The following ZC3H13 variants were observed in gnomAD, a reference collection of about 807,000 sequenced individuals.
The protein encoded by ZC3H13 is zinc finger CCCH domain-containing protein 13.
A neutral mutation model predicts 204.1 loss-of-function variants in ZC3H13; 64 were observed. The observed-to-expected ratio is 0.31, with a 90% CI of 0.26 to 0.39. ZC3H13 has a LOEUF of 0.39. Ranked by LOEUF, ZC3H13 falls within the 10% of genes least tolerant of loss-of-function variation. The probability of loss-of-function intolerance (pLI) is 1.00; values close to 1 mark genes in which losing one functional copy is unlikely to be tolerated. For missense variants in ZC3H13, 1,833 were observed against 2,082.7 expected (o/e 0.88, Z 2.33); for synonymous variants, 667 against 693.7 (o/e 0.96, Z 0.60).
At chr13:45,974,516 G>A (rs748058406) in intron 12 of ZC3H13, among the ~76,000 whole-genome samples, 3 of 152,186 alleles carry the variant, frequency 2.0e-5, no homozygotes, top group East Asian at 1.9e-4. Flanking sequence ...TGGTTAAAAG[G>A]GGGTGAGGTG....
At chr13:46,045,958 TG>T (rs2043923979) in intron 1 of ZC3H13, among the ~76,000 whole-genome samples, 1 of 152,106 alleles carries the variant, frequency 6.6e-6, no homozygotes, top group South Asian at 2.1e-4. Context: ...AAAATAAAAT[TG>T]GGTGAAAATT....
chr13:45,972,907 A>AG (rs895943150), intron 12 of ZC3H13, among the ~76,000 whole-genome samples: 2 of 152,240 alleles, frequency 1.3e-5, no homozygotes, highest in Non-Finnish European at 2.9e-5. Context: ...ACTGAAGGCC[A>AG]GGGGGTCAAG....
chr13:45,990,405 T>C (rs2039886350), intron 8 of ZC3H13, among the ~76,000 whole-genome samples: 1 of 152,128 alleles, frequency 6.6e-6, no homozygotes. Context: ...ATCTAATATA[T>C]TAGAAAGAAT....
intron 6 of ZC3H13, among the ~76,000 whole-genome samples, chr13:46,010,901 T>C (rs1323645946): frequency 6.6e-6 from 1 of 151,874 alleles, no homozygotes; most frequent in Non-Finnish European, 1.5e-5. Context: ...AAGTTTGAAA[T>C]AAAAATAAAA....
intron 7 of ZC3H13, among the ~76,000 whole-genome samples, chr13:46,009,452 G>C (rs190445149): frequency 1.1e-4 from 16 of 152,218 alleles, no homozygotes; most frequent in African/African-American, 3.8e-4. Flanking sequence ...AATATAGTTA[G>C]TGATATAATA....
At position 45,970,451 on chromosome 13, in the gene ZC3H13, T is replaced by C; in HGVS notation, c.2483A>G (p.Asn828Ser). 6.2e-7 allele frequency: 1 copy of C among 1,613,442 alleles called. No homozygotes were observed. Reference sequence around the variant, plus strand: ...CTGTCTAGGGCTGGGACTCCCTTCATTTCTATAGCGCTTCCTAAATTGGAC... The same window carrying C: ...CTGTCTAGGGCTGGGACTCCCTTCACTTCTATAGCGCTTCCTAAATTGGAC... Reference protein sequence around the residue: ...DERKSKKRYRNEGSPSPRQSP... With the variant: ...DERKSKKRYRSEGSPSPRQSP... The change falls in exon 13 of 19, where the codon AAT becomes AGT. Residue 828 changes from asparagine to serine, a missense_variant. Coordinates refer to ENST00000679008, the MANE Select transcript of ZC3H13 (RefSeq NM_001330564.2).
intron 11 of ZC3H13, 92 bp from the exon 12 acceptor site, chr13:45,975,930 G>A: frequency 6.8e-7 from 1 of 1,463,466 alleles, no homozygotes; most frequent in Non-Finnish European, 9.0e-7. Context: ...ATCTGTGATA[G>A]GGTCACACTG....
At chr13:45,965,908 C>T (rs550999034) in intron 15 of ZC3H13, among the ~76,000 whole-genome samples, 1 of 152,224 alleles carries the variant, frequency 6.6e-6, no homozygotes, top group Admixed American at 6.5e-5. Flanking sequence ...TTATTTAGCT[C>T]ATTATATAAA....
At chr13:46,038,823 C>A (rs1175226901) in intron 4 of ZC3H13, among the ~76,000 whole-genome samples, 1 of 152,102 alleles carries the variant, frequency 6.6e-6, no homozygotes, top group African/African-American at 2.4e-5. Context: ...GAGTTCAAGA[C>A]CAGCCTGCCC....
intron 10 of ZC3H13, among the ~76,000 whole-genome samples, chr13:45,985,014 T>G (rs1954049452): frequency 6.6e-6 from 1 of 152,182 alleles, no homozygotes; most frequent in South Asian, 2.1e-4. Flanking sequence ...TCCTCGTGAT[T>G]CTACTTTTTT....
chr13:45,962,378 T>C (rs1951753070), intron 17 of ZC3H13: 18 of 985,370 alleles, frequency 1.8e-5, no homozygotes, highest in Non-Finnish European at 2.2e-5. Context: ...TCAAACCAGA[T>C]TTTAACTTGA....
rs1242048328 is a variant in ZC3H13 at position 45,967,670 on chromosome 13, C to T, written c.4155G>A (p.Glu1385=). 6.2e-7 allele frequency: 1 copy of T among 1,613,934 alleles called. No homozygotes were observed. The highest frequency in any genetic ancestry group is 1.3e-5 in the African/African-American group (1 of 74,934). The change falls in exon 15 of 19, where the codon GAG becomes GAA. Residue 1385 remains glutamate (E), a synonymous_variant. Transcript: ENST00000679008. ...RDRTFESSQI[E]SVKRCEAKLE... is the part of the protein sequence containing the mutation. ...GTTTTGCTTCACAGCGTTTCACAGA[C>T]TCTATTTGAGAACTCTCAAAAGTTC...
rs574813862 is a variant in ZC3H13, at chr13:45,995,944, C to T, written c.945-6847G>A. On this transcript the variant is annotated intron_variant, in intron 8 of 18. Coordinates refer to ENST00000679008, the MANE Select transcript of ZC3H13 (RefSeq NM_001330564.2). The stretch of plus-strand genomic sequence containing the variant: ...ATGATTGTGTTTTTAGTTAGCTATG[C>T]TCTGAGTACTATTTTTTCATTTGAC... Among the ~76,000 whole-genome samples the T allele has an allele frequency of 5.3e-4, 80 of 152,288 alleles. 2 individuals carry two copies. The highest frequency in any genetic ancestry group is 1.7e-3 in the African/African-American group (69 of 41,572).
Position 46,011,557 on chromosome 13 carries a change from TTAAAA to T in ZC3H13, c.449-8_449-4del. The stretch of plus-strand genomic sequence containing the variant: ...ATTAATATCTCCATTGTCAGAATCT[TTAAAA>T]TAAAATTGCATTACTGTTAGAAACT... On this transcript the variant is annotated splice_polypyrimidine_tract_variant and splice_region_variant and intron_variant, in intron 5 of 18. Transcript: ENST00000679008. 6.4e-7 allele frequency: 1 copy of T among 1,554,900 alleles called. No homozygotes were observed. The highest frequency in any genetic ancestry group is 8.7e-7 in the Non-Finnish European group (1 of 1,153,530).
rs1181366089 is a variant in ZC3H13 at position 46,045,269 on chromosome 13, T to A, written c.117+122A>T. On this transcript the variant is annotated intron_variant, in intron 2 of 18. Coordinates refer to ENST00000679008, the MANE Select transcript of ZC3H13 (RefSeq NM_001330564.2). Reference sequence around the variant, plus strand: ...TCACTTCTTTTTATAAAACACACTTTAAAAAATTTACTGAACAAACATTCC... The same window carrying A: ...TCACTTCTTTTTATAAAACACACTTAAAAAAATTTACTGAACAAACATTCC... The A allele has an allele frequency of 2.9e-6, 3 of 1,041,746 alleles. No individual in the cohort carries two copies. The African/African-American group carries it at 4.8e-5, about 17-fold the overall frequency. 64.5% of individuals were successfully genotyped at this position (1,041,746 alleles called of 1,614,324 possible). A position where few individuals can be genotyped will look rare whatever the true frequency, so the allele number is the denominator to read the frequency against.
Position 46,042,241 on chromosome 13 carries a change from T to C in ZC3H13, c.262A>G (p.Arg88Gly). ...PERPTGDLRE[R>G]MKNKRQDVDT... ...ACGTCTTGGCGCTTGTTCTTCATTC[T>C]TTCTCTAAGATCCCCTGTAGGTCTT... The change falls in exon 4 of 19, where the codon AGA (arginine) becomes GGA (glycine). Residue 88 changes from arginine (R) to glycine (G), a missense_variant. Coordinates refer to ENST00000679008, the MANE Select transcript of ZC3H13 (RefSeq NM_001330564.2). 1 of 1,613,396 alleles carries C rather than the reference T, an allele frequency of 6.2e-7. No homozygotes were observed. The highest frequency in any genetic ancestry group is 1.7e-5 in the Admixed American group (1 of 60,004).
chr13:46,004,742 A>C (rs1420055144), intron 7 of ZC3H13, among the ~76,000 whole-genome samples: 1 of 152,174 alleles, frequency 6.6e-6, no homozygotes, highest in Non-Finnish European at 1.5e-5. Context: ...TATTCATCAT[A>C]AATTTCTCAA....
Position 46,010,432 on chromosome 13 carries a change from C to T in ZC3H13, c.662G>A (p.Arg221Gln), listed in dbSNP as rs140179398. The T allele has an allele frequency of 1.2e-4, 200 of 1,613,780 alleles. 1 individual carries two copies. Among genetic ancestry groups the T allele is most frequent in the Middle Eastern group, 3.3e-4 (2 of 6,060 alleles). The change falls in exon 7 of 19, where the codon CGA becomes CAA. Residue 221 changes from arginine (R) to glutamine (Q), a missense_variant. By Grantham distance (43) the Arg-to-Gln change is conservative. Transcript: ENST00000679008. ...SLRKSSKSPK[R>Q]KSSPKSSSAS... Reference sequence around the variant, plus strand: ...TGAAGACGACTTCGGGCTTGATTTTCGCTTCGGAGATTTGCTAGACTTTCT... The same window carrying T: ...TGAAGACGACTTCGGGCTTGATTTTTGCTTCGGAGATTTGCTAGACTTTCT...
chr13:46,002,701 T>A (rs1254032937), intron 8 of ZC3H13, among the ~76,000 whole-genome samples: 2 of 152,150 alleles, frequency 1.3e-5, no homozygotes, highest in African/African-American at 4.8e-5. Context: ...TCCACTTATA[T>A]AAGGTATCTG....
Sources: gnomAD v4.1 joint callset for allele counts (sites outside exome capture counted in the v4.1 genomes callset) on GRCh38, gnomAD v4.1.1 for gene constraint, MANE v1.5 for transcripts, NCBI Gene and HGNC (gene_info 2026-07-23, HGNC 2026-07-21) for gene names.